The following ABCC8 variants were observed in gnomAD, a reference collection of about 807,000 sequenced individuals.
ABCC8 encodes the protein ATP-binding cassette sub-family C member 8.
Under a neutral mutation model 188.0 loss-of-function variants are expected in ABCC8, and 137 were observed. The ratio of observed to expected loss-of-function variants is 0.73; its 90% CI spans 0.63 to 0.84. The LOEUF is 0.84. Ranked by LOEUF, ABCC8 falls within the 40% of genes least tolerant of loss-of-function variation. The pLI, the probability that ABCC8 is intolerant of heterozygous loss-of-function variation, is 0.00. For missense variants in ABCC8, 1,750 were observed against 2,072.7 expected, an observed-to-expected ratio of 0.84 and a Z score of 3.02; for synonymous variants, 797 against 846.5, an observed-to-expected ratio of 0.94 and a Z score of 1.01.
At chr11:17,460,907 A>G in intron 5 of ABCC8, 1 of 768,238 alleles carries the variant, frequency 1.3e-6, no homozygotes, top group Non-Finnish European at 2.0e-6. Context: ...ATGATTGCTC[A>G]AGGTCACACA....
rs758770662 is a variant in ABCC8, at chr11:17,428,423, G to T, written c.1924-18C>A. 1.2e-6 allele frequency: 2 copies of T among 1,610,546 alleles called. No individual in the cohort carries two copies. The highest frequency in any genetic ancestry group is 8.5e-7 in the Non-Finnish European group (1 of 1,177,292). On this transcript the variant is annotated intron_variant, in intron 13 of 38. Transcript: ENST00000389817. Reference sequence around the variant, plus strand: ...CTGAGGGGCTGGGGGTGGTTTGGAGGTGAGGACCCACTGGGCTGGGAGCTG... The same window carrying T: ...CTGAGGGGCTGGGGGTGGTTTGGAGTTGAGGACCCACTGGGCTGGGAGCTG...
chr11:17,414,782 T>C (rs552135110), intron 18 of ABCC8, 172 bp from the exon 19 acceptor site: 1 of 840,920 alleles, frequency 1.2e-6, no homozygotes, highest in African/African-American at 1.8e-5. Context: ...CAGGCAGGTT[T>C]GAGAGGTCTG....
chr11:17,406,009 C>T (rs1473332525), intron 26 of ABCC8, among the ~76,000 whole-genome samples: 3 of 152,226 alleles, frequency 2.0e-5, no homozygotes, highest in African/African-American at 7.2e-5. Context: ...GAGGCCATAT[C>T]TGTGGGCCAC....
chr11:17,461,014 C>T (rs1386025992), intron 5 of ABCC8: 3 of 403,462 alleles, frequency 7.4e-6, no homozygotes, highest in East Asian at 1.1e-4. Context: ...TCTGCCTCAG[C>T]AACTGCCCTG....
intron 8 of ABCC8, among the ~76,000 whole-genome samples, chr11:17,446,052 G>A (rs985369229): frequency 4.7e-5 from 7 of 148,240 alleles, no homozygotes; most frequent in African/African-American, 1.2e-4. Flanking sequence ...CACAGTCTCC[G>A]CCTCCTGGGC....
At chr11:17,471,220 A>G (rs1848460929) in intron 2 of ABCC8, among the ~76,000 whole-genome samples, 1 of 152,230 alleles carries the variant, frequency 6.6e-6, no homozygotes, top group South Asian at 2.1e-4. Flanking sequence ...TGCCATGCTC[A>G]GAGCTAACTG....
chr11:17,450,330 C>T lies in ABCC8; in HGVS notation c.1177-1659G>A, dbSNP rs1484441012. Among the ~76,000 whole-genome samples, 40 of 125,508 alleles carry T rather than the reference C, an allele frequency of 3.2e-4. 2 individuals carry two copies. The highest frequency in any genetic ancestry group is 3.1e-3 in the East Asian group (14 of 4,504). 82.3% of individuals were successfully genotyped at this position (125,508 alleles called of 152,430 possible). A position where few individuals can be genotyped will look rare whatever the true frequency, so the allele number is the denominator to read the frequency against. ...TCTTTCTTTCTTTCTTTCTTTCTCT[C>T]TCTCTCTTTCCTTTCTTTCTTTCTT... On this transcript the variant is annotated intron_variant, in intron 7 of 38. Coordinates refer to ENST00000389817, the MANE Select transcript of ABCC8 (RefSeq NM_000352.6).
At chr11:17,461,439 A>G (rs938559033) in intron 5 of ABCC8, 144 bp downstream of exon 5, 8 of 1,073,412 alleles carry the variant, frequency 7.5e-6, no homozygotes, top group Non-Finnish European at 1.1e-5. Flanking sequence ...TCACTGTGTG[A>G]CTTAAGGCAA....
rs1554913069 is a variant in ABCC8, at chr11:17,407,435, TTCTC to T, written c.2835_2838del (p.Arg946LysfsTer95). The T allele has an allele frequency of 6.2e-7, 1 of 1,614,168 alleles. No individual in the cohort carries two copies. The highest frequency in any genetic ancestry group is 1.7e-5 in the Admixed American group (1 of 60,008). On this transcript the variant is annotated frameshift_variant, in exon 24 of 39. Coordinates refer to ENST00000389817, the MANE Select transcript of ABCC8 (RefSeq NM_000352.6). LOFTEE classifies it high-confidence loss of function. ...AGGCCCTGGGGTGGCTCTGTGGCTTTTCTCTCTGTGACAGTCTCCTAAAAGACAG... is the reference window on the plus strand; with the variant it reads ...AGGCCCTGGGGTGGCTCTGTGGCTTTTCTGTGACAGTCTCCTAAAAGACAG...
intron 6 of ABCC8, 53 bp from the exon 7 acceptor site, chr11:17,453,336 C>T (rs1023916572): frequency 1.7e-5 from 27 of 1,606,464 alleles, no homozygotes; most frequent in Middle Eastern, 1.7e-4. Context: ...AAATGACCAC[C>T]GTAGAACACA....
chr11:17,460,976 C>T (rs1957167619), intron 5 of ABCC8: 1 of 482,918 alleles, frequency 2.1e-6, no homozygotes, highest in African/African-American at 2.0e-5. Context: ...CCATGTGCCA[C>T]ACTCACTCAT....
Position 17,406,732 on chromosome 11 carries a change from C to T in ABCC8, c.3219G>A (p.Leu1073=). 1 of 1,614,214 alleles carries T rather than the reference C, an allele frequency of 6.2e-7. No individual in the cohort carries two copies. Among genetic ancestry groups the T allele is most frequent in the East Asian group, 2.2e-5 (1 of 44,878 alleles). ...YAMVFTVLCS[L]GIVLCLVTSV... ...ACGTGACGAGGCACAGCACAATGCCCAGGCTGCAGAGCACCGTGAACACCA... is the reference window on the plus strand; with the variant it reads ...ACGTGACGAGGCACAGCACAATGCCTAGGCTGCAGAGCACCGTGAACACCA... Residue 1073 remains leucine, a synonymous_variant, in exon 26 of 39, where the codon CTG becomes CTA. Transcript: ENST00000389817.
chr11:17,447,937 A>G (rs1382250504), intron 8 of ABCC8, among the ~76,000 whole-genome samples: 1 of 152,230 alleles, frequency 6.6e-6, no homozygotes, highest in Non-Finnish European at 1.5e-5. Context: ...GTGAATCTGT[A>G]CAAATGTATA....
rs868660807 is a variant in ABCC8 at position 17,427,082 on chromosome 11, A to G, written c.2189T>C (p.Met730Thr). The change falls in exon 16 of 39, where the codon ATG (methionine) becomes ACG (threonine). Residue 730 changes from methionine to threonine, a missense_variant. Physicochemically the swap from Met to Thr is moderately conservative, Grantham distance 81 (BLOSUM62 -1). Transcript: ENST00000389817. This position sits in a 1 kb window ranked among gnomAD's most constrained non-coding sequence, Gnocchi z 5.0. ...GAAGACAGCCCCTGAGACCTTCTGC[A>G]TCTCCCCCAGTGCGGCTAGAAGGAG... ...SSLLLAALGE[M>T]QKVSGAVFWS... 5 of 1,613,944 alleles carry G rather than the reference A, an allele frequency of 3.1e-6. No homozygotes were observed. The South Asian group carries it at 5.5e-5, about 18-fold the overall frequency.
chr11:17,476,818 G>T lies in ABCC8; in HGVS notation c.-42C>A, dbSNP rs1412378249. Reference sequence around the variant, plus strand: ...GCTGGGCTCGGGCTCAGCTGGCTCCGCTGGCTCCGCGCGCCTGCCGCGCCT... The same window carrying T: ...GCTGGGCTCGGGCTCAGCTGGCTCCTCTGGCTCCGCGCGCCTGCCGCGCCT... On this transcript the variant is annotated 5_prime_UTR_variant, in exon 1 of 39. Transcript: ENST00000389817. 2 of 1,464,668 alleles carry T rather than the reference G, an allele frequency of 1.4e-6. No individual in the cohort carries two copies. The highest frequency in any genetic ancestry group is 1.8e-6 in the Non-Finnish European group (2 of 1,110,804). The allele number at this position is 1,464,668 out of a possible 1,614,324, so 90.7% of individuals were successfully genotyped here.
chr11:17,428,758 G>A, intron 12 of ABCC8, 88 bp from the exon 13 acceptor site: 2 of 1,575,712 alleles, frequency 1.3e-6, no homozygotes, highest in Non-Finnish European at 8.6e-7. Context: ...GCTCTGAGCA[G>A]GATCTCAGGC....
At position 17,405,517 on chromosome 11, in the gene ABCC8, A is replaced by G; in HGVS notation, c.3376T>C (p.Ser1126Pro). The G allele has an allele frequency of 6.2e-7, 1 of 1,614,266 alleles. No homozygotes were observed. The highest frequency in any genetic ancestry group is 8.5e-7 in the Non-Finnish European group (1 of 1,180,040). Residue 1126 changes from serine to proline, a missense_variant, in exon 27 of 39, where the codon TCT (serine) becomes CCT (proline). Transcript: ENST00000389817. ...PLGSILNRFSSDCNTIDQHIP... is the reference protein window; with the variant it reads ...PLGSILNRFSPDCNTIDQHIP... ...ACCTGGTCGATGGTGTTACAGTCAG[A>G]TGAAAATCTGTTCAGGATGCTCCCA...
At chr11:17,466,985 C>CAGAACACTAT (rs1430599965) in intron 3 of ABCC8, among the ~76,000 whole-genome samples, 28 of 151,082 alleles carry the variant, frequency 1.9e-4, no homozygotes, top group Non-Finnish European at 5.9e-5. Context: ...CTTAATGCCA[C>CAGAACACTAT]AGAACACTAT....
At chr11:17,470,944 G>A (rs565479613) in intron 2 of ABCC8, among the ~76,000 whole-genome samples, 7 of 152,250 alleles carry the variant, frequency 4.6e-5, no homozygotes, top group South Asian at 2.1e-4. Context: ...TTAGTTGGTC[G>A]TGATCATGCC....
Sources: gnomAD v4.1 joint callset for allele counts (sites outside exome capture counted in the v4.1 genomes callset) on GRCh38, gnomAD v4.1.1 for gene constraint, Gnocchi (gnomAD v3.1) non-coding constraint, MANE v1.5 for transcripts, NCBI Gene and HGNC (gene_info 2026-07-23, HGNC 2026-07-21) for gene names.